Variants in ADCY2 observed in about 807,000 individuals in gnomAD.
The protein encoded by ADCY2 is adenylate cyclase 2.
ADCY2 carries 31 observed loss-of-function variants against 125.2 expected under a neutral mutation model. The observed-to-expected ratio is 0.25, with a 90% CI of 0.19 to 0.33. The LOEUF is 0.33. ADCY2 is among the 10% of genes least tolerant of loss of function. ADCY2 has a pLI of 1.00. For missense variants in ADCY2, 904 were observed against 1,418.2 expected, an observed-to-expected ratio of 0.64 and a Z score of 5.82; for synonymous variants, 512 against 548.4, an observed-to-expected ratio of 0.93 and a Z score of 0.93.
chr5:7,618,578 A>G (rs2126650931), intron 3 of ADCY2, among the ~76,000 whole-genome samples: 1 of 152,258 alleles, frequency 6.6e-6, no homozygotes, highest in African/African-American at 2.4e-5. Flanking sequence ...AAAACTAAAT[A>G]CCTGTCAGCT....
intron 2 of ADCY2, among the ~76,000 whole-genome samples, chr5:7,465,510 C>A (rs1742082545): frequency 6.6e-6 from 1 of 152,202 alleles, no homozygotes; most frequent in Non-Finnish European, 1.5e-5. Context: ...ACGGCGTGTG[C>A]ACAGGTGTTG....
chr5:7,737,287 C>A (rs1489779671), intron 14 of ADCY2, among the ~76,000 whole-genome samples: 3 of 152,134 alleles, frequency 2.0e-5, no homozygotes, highest in Admixed American at 6.5e-5. Context: ...AACCTCCTAC[C>A]ACCTCTAGAC....
chr5:7,502,035 G>A (rs1007808321), intron 2 of ADCY2, among the ~76,000 whole-genome samples: 2 of 152,086 alleles, frequency 1.3e-5, no homozygotes, highest in South Asian at 2.1e-4. Context: ...ACACAACCAC[G>A]CTGTACCCTG....
chr5:7,729,181 A>G (rs939472723), intron 14 of ADCY2, among the ~76,000 whole-genome samples: 6 of 152,136 alleles, frequency 3.9e-5, no homozygotes, highest in Admixed American at 3.3e-4. Context: ...CTTTCATGTT[A>G]ATATCTTCAT....
At chr5:7,764,326 G>A (rs1162556333) in intron 16 of ADCY2, among the ~76,000 whole-genome samples, 2 of 152,180 alleles carry the variant, frequency 1.3e-5, no homozygotes, top group African/African-American at 2.4e-5. Flanking sequence ...TTTTGAGAAT[G>A]TTGTCACTTG....
chr5:7,560,748 G>C (rs1345587744), intron 3 of ADCY2, among the ~76,000 whole-genome samples: 1 of 151,942 alleles, frequency 6.6e-6, no homozygotes, highest in Non-Finnish European at 1.5e-5. Flanking sequence ...GAGTGCAGTG[G>C]TGCCATGTCA....
chr5:7,413,278 C>T (rs573902793), intron 1 of ADCY2, among the ~76,000 whole-genome samples: 92 of 152,054 alleles, frequency 6.1e-4, no homozygotes, highest in Non-Finnish European at 1.2e-3. Flanking sequence ...TATATGGTCC[C>T]AGCCTTGGGG....
intron 12 of ADCY2, among the ~76,000 whole-genome samples, chr5:7,721,974 C>T (rs563426453): frequency 6.6e-6 from 1 of 152,142 alleles, no homozygotes; most frequent in African/African-American, 2.4e-5. Context: ...GGAGTGGAGG[C>T]CACCTCAGAA....
intron 1 of ADCY2, among the ~76,000 whole-genome samples, chr5:7,399,711 A>G (rs1739191822): frequency 6.6e-6 from 1 of 152,214 alleles, no homozygotes; most frequent in Non-Finnish European, 1.5e-5. Flanking sequence ...AATATGAGTA[A>G]TAGTTTCTGC....
chr5:7,593,511 T>C (rs111910298), intron 3 of ADCY2, among the ~76,000 whole-genome samples: 81 of 152,204 alleles, frequency 5.3e-4, no homozygotes, highest in African/African-American at 1.9e-3. Flanking sequence ...CACAGGACTT[T>C]GTTACCAACA....
At chr5:7,703,070 GGGTTGTTT>G (rs1324944675) in intron 7 of ADCY2, among the ~76,000 whole-genome samples, 4 of 149,542 alleles carry the variant, frequency 2.7e-5, no homozygotes, top group African/African-American at 7.4e-5. Context: ...CTTTTTGATG[GGGTTGTTT>G]GATTTTTTTC....
At chr5:7,790,658 A>C (rs1486807664) in intron 20 of ADCY2, among the ~76,000 whole-genome samples, 1 of 152,216 alleles carries the variant, frequency 6.6e-6, no homozygotes, top group Non-Finnish European at 1.5e-5. Context: ...TCAAGTTAGA[A>C]GTTTATTTTC....
intron 2 of ADCY2, among the ~76,000 whole-genome samples, chr5:7,509,562 C>T (rs923272764): frequency 2.0e-4 from 31 of 152,174 alleles, no homozygotes; most frequent in African/African-American, 7.0e-4. Context: ...TGTTTTACCT[C>T]TGATTCCATC....
chr5:7,529,395 T>C (rs1734571360), intron 3 of ADCY2, among the ~76,000 whole-genome samples: 1 of 152,186 alleles, frequency 6.6e-6, no homozygotes, highest in African/African-American at 2.4e-5. Context: ...AGGGAGGGGA[T>C]GTGCTTTCTG....
intron 15 of ADCY2, among the ~76,000 whole-genome samples, chr5:7,747,139 C>T (rs907144843): frequency 1.2e-4 from 18 of 152,156 alleles, no homozygotes; most frequent in African/African-American, 3.4e-4. Flanking sequence ...CACTCCCACC[C>T]GAGGCATGCC....
In ADCY2 at chr5:7,660,282, AGG is replaced by A. The variant is rs1177153921; in HGVS notation, c.721-30408_721-30407del. The stretch of plus-strand genomic sequence containing the variant: ...AAGGAAGGAAGGAAGGAAGGAAGGA[AGG>A]AAGGAAGGAAGGAAGGACTGTGAGA... On this transcript the variant is annotated intron_variant, in intron 4 of 24. Coordinates refer to ENST00000338316, the MANE Select transcript of ADCY2 (RefSeq NM_020546.3). Among the ~76,000 whole-genome samples, 6 of 150,682 alleles carry A rather than the reference AGG, an allele frequency of 4.0e-5. 1 individual carries two copies. The highest frequency in any genetic ancestry group is 5.9e-5 in the Non-Finnish European group (4 of 67,678).
At chr5:7,565,267 A>G (rs562276349) in intron 3 of ADCY2, among the ~76,000 whole-genome samples, 2 of 152,376 alleles carry the variant, frequency 1.3e-5, no homozygotes, top group South Asian at 4.1e-4. Context: ...TTCAAAGCAC[A>G]CATAAATGAA....
At chr5:7,598,114 G>A (rs530535344) in intron 3 of ADCY2, among the ~76,000 whole-genome samples, 196 of 152,306 alleles carry the variant, frequency 1.3e-3, no homozygotes, top group African/African-American at 4.6e-3. Context: ...CATGAGAGAG[G>A]CCACCTTTTG....
intron 19 of ADCY2, among the ~76,000 whole-genome samples, chr5:7,788,851 T>G (rs1744164864): frequency 6.6e-6 from 1 of 152,212 alleles, no homozygotes; most frequent in African/African-American, 2.4e-5. Flanking sequence ...CACTAAGCCC[T>G]TCTATTACAG....
Sources: gnomAD v4.1 joint callset for allele counts (sites outside exome capture counted in the v4.1 genomes callset) on GRCh38, gnomAD v4.1.1 for gene constraint, MANE v1.5 for transcripts, NCBI Gene and HGNC (gene_info 2026-07-23, HGNC 2026-07-21) for gene names.